The following CDH20 variants were observed in gnomAD, a reference collection of about 807,000 sequenced individuals.
CDH20 encodes the protein cadherin-20.
Under a neutral mutation model 74.2 loss-of-function variants are expected in CDH20, and 29 were observed. The ratio of observed to expected loss-of-function variants is 0.39; its 90% CI spans 0.29 to 0.53. The LOEUF is 0.53. Ranked by LOEUF, CDH20 falls within the 20% of genes least tolerant of loss-of-function variation. CDH20 has a pLI of 0.69. For missense variants in CDH20, 988 were observed against 1,048.3 expected (o/e 0.94, Z 0.79); for synonymous variants, 469 against 405.4 (o/e 1.16, Z -1.88).
At chr18:61,498,669 G>A (rs1008794570) in intron 2 of CDH20, among the ~76,000 whole-genome samples, 8 of 152,096 alleles carry the variant, frequency 5.3e-5, no homozygotes, top group Admixed American at 1.3e-4. Flanking sequence ...ATCCACGGAG[G>A]TCATTCACTT....
In CDH20 at chr18:61,507,566, C is replaced by T; in HGVS notation, c.1017+6C>T. The T allele has an allele frequency of 1.9e-6, 3 of 1,590,506 alleles. No individual in the cohort carries two copies. The highest frequency in any genetic ancestry group is 2.3e-5 in the East Asian group (1 of 44,328). ...GTATCATAACTGTGAAGAAGGTAAT[C>T]CAACTCCTTTTTCTAAACCACTTTC... On this transcript the variant is annotated splice_donor_region_variant and intron_variant, in intron 6 of 11. Coordinates refer to ENST00000262717, the MANE Select transcript of CDH20 (RefSeq NM_031891.4).
At chr18:61,453,026 C>A (rs907928899) in intron 1 of CDH20, among the ~76,000 whole-genome samples, 5 of 152,036 alleles carry the variant, frequency 3.3e-5, no homozygotes, top group African/African-American at 4.8e-5. Context: ...CCCCGTGCAC[C>A]CCACTGCTAA....
chr18:61,413,671 A>G (rs1912589002), intron 1 of CDH20, among the ~76,000 whole-genome samples: 1 of 152,010 alleles, frequency 6.6e-6, no homozygotes, highest in African/African-American at 2.4e-5. Flanking sequence ...TATTTTTTAT[A>G]TCCTCTGTAG....
At chr18:61,358,114 TC>T (rs373288054) in intron 1 of CDH20, among the ~76,000 whole-genome samples, 1 of 150,610 alleles carries the variant, frequency 6.6e-6, no homozygotes, top group African/African-American at 2.4e-5. Context: ...CTGTTATTGT[TC>T]CTTTTTTTTT....
intron 1 of CDH20, among the ~76,000 whole-genome samples, chr18:61,351,249 G>T (rs936409683): frequency 5.9e-5 from 9 of 152,062 alleles, no homozygotes; most frequent in South Asian, 2.1e-4. Flanking sequence ...CTGGTCCCAG[G>T]GTTACTTATT....
chr18:61,380,993 CT>C lies in CDH20; in HGVS notation c.-153+47167del, dbSNP rs545485619. Among the ~76,000 whole-genome samples, 79 of 152,240 alleles carry C rather than the reference CT, an allele frequency of 5.2e-4. No individual in the cohort carries two copies. In the East Asian group the frequency reaches 0.014, roughly 27 times the overall value. On this transcript the variant is annotated intron_variant, in intron 1 of 11. Coordinates refer to ENST00000262717, the MANE Select transcript of CDH20 (RefSeq NM_031891.4). Reference sequence around the variant, plus strand: ...TGAACAATGTGTTTACTATAAAATGCTAATTAGCCCTTCAAATTATTAATGT... The same window carrying C: ...TGAACAATGTGTTTACTATAAAATGCAATTAGCCCTTCAAATTATTAATGT...
At chr18:61,376,069 T>C (rs1911218922) in intron 1 of CDH20, among the ~76,000 whole-genome samples, 1 of 152,170 alleles carries the variant, frequency 6.6e-6, no homozygotes. Flanking sequence ...ACAAAATAAC[T>C]TCATCTATAA....
chr18:61,393,543 G>A (rs1300215918), intron 1 of CDH20, among the ~76,000 whole-genome samples: 1 of 152,122 alleles, frequency 6.6e-6, no homozygotes, highest in Non-Finnish European at 1.5e-5. Flanking sequence ...ATTTTTTAAG[G>A]ATGCAAGAAA....
intron 1 of CDH20, among the ~76,000 whole-genome samples, chr18:61,358,908 A>G (rs1180781050): frequency 6.6e-6 from 1 of 150,454 alleles, no homozygotes; most frequent in Non-Finnish European, 1.5e-5. Context: ...TTATTCTATA[A>G]TAAATACTGG....
chr18:61,334,583 A>G (rs1909692238), intron 1 of CDH20, among the ~76,000 whole-genome samples: 2 of 152,164 alleles, frequency 1.3e-5, no homozygotes, highest in South Asian at 4.1e-4. Context: ...TCAGATTTGC[A>G]AAGAGAACGT....
intron 1 of CDH20, among the ~76,000 whole-genome samples, chr18:61,479,893 C>T (rs1482587435): frequency 6.6e-6 from 1 of 152,126 alleles, no homozygotes; most frequent in Non-Finnish European, 1.5e-5. Flanking sequence ...TGTAAGTTTA[C>T]CATTTTGCTA....
At chr18:61,423,519 C>T (rs1393091216) in intron 1 of CDH20, among the ~76,000 whole-genome samples, 1 of 152,162 alleles carries the variant, frequency 6.6e-6, no homozygotes, top group Non-Finnish European at 1.5e-5. Context: ...CCTGAATATG[C>T]TACACTACAA....
intron 1 of CDH20, among the ~76,000 whole-genome samples, chr18:61,359,798 GATC>G (rs1372305102): frequency 6.6e-6 from 1 of 152,206 alleles, no homozygotes; most frequent in African/African-American, 2.4e-5. Flanking sequence ...AGTCACTGGT[GATC>G]ATGAGTCATC....
At position 61,382,683 on chromosome 18, in the gene CDH20, A is replaced by G. The variant is rs570521489; in HGVS notation, c.-153+48856A>G. Among the ~76,000 whole-genome samples, 5 of 152,340 alleles carry G rather than the reference A, an allele frequency of 3.3e-5. No homozygotes were observed. The South Asian group carries it at 8.3e-4, about 25-fold the overall frequency. The stretch of plus-strand genomic sequence containing the variant: ...TACTTGGTGATGGTACACAATTCTA[A>G]TAAGTTTTATTCTGATTTTCCAGCC... On this transcript the variant is annotated intron_variant, in intron 1 of 11. Coordinates refer to ENST00000262717, the MANE Select transcript of CDH20 (RefSeq NM_031891.4).
chr18:61,553,134 G>C (rs1913494417), intron 11 of CDH20, among the ~76,000 whole-genome samples: 1 of 152,106 alleles, frequency 6.6e-6, no homozygotes, highest in Non-Finnish European at 1.5e-5. Context: ...ATTGTTGTGA[G>C]TTTTATTAGT....
At chr18:61,495,439 G>T (rs181738522) in intron 2 of CDH20, among the ~76,000 whole-genome samples, 2 of 152,182 alleles carry the variant, frequency 1.3e-5, no homozygotes, top group Admixed American at 6.5e-5. Context: ...TCTCCAAGCC[G>T]TAATTTCTCC....
intron 1 of CDH20, among the ~76,000 whole-genome samples, chr18:61,372,142 G>C (rs1344717791): frequency 1.3e-5 from 2 of 152,086 alleles, no homozygotes; most frequent in Middle Eastern, 3.4e-3. Context: ...TATTTTTAAA[G>C]TTTTATGCAT....
intron 7 of CDH20, among the ~76,000 whole-genome samples, chr18:61,536,150 A>C (rs1016409292): frequency 2.6e-5 from 4 of 152,210 alleles, no homozygotes; most frequent in African/African-American, 9.6e-5. Context: ...AAACAAATAT[A>C]TACAGGACTC....
chr18:61,497,980 A>G (rs1014678701), intron 2 of CDH20, among the ~76,000 whole-genome samples: 6 of 152,194 alleles, frequency 3.9e-5, no homozygotes, highest in Non-Finnish European at 5.9e-5. Flanking sequence ...GGGTTGCTCA[A>G]AATTACAGGG....
Sources: gnomAD v4.1 joint callset for allele counts (sites outside exome capture counted in the v4.1 genomes callset) on GRCh38, gnomAD v4.1.1 for gene constraint, MANE v1.5 for transcripts, NCBI Gene and HGNC (gene_info 2026-07-23, HGNC 2026-07-21) for gene names.